KHSRP: variants seen among roughly 807,000 people sequenced by gnomAD.
The protein encoded by KHSRP is KH-type splicing regulatory protein.
In KHSRP, 13 loss-of-function variants were observed where a neutral mutation model predicts 94.9. That is an observed-to-expected ratio of 0.14 (90% confidence interval 0.09 to 0.22). The LOEUF (loss-of-function observed/expected upper bound fraction) is 0.22, where lower values mean the gene tolerates loss of function less well. Among genes scored for constraint, KHSRP ranks in the 10% least tolerant of loss-of-function variants. KHSRP has a pLI of 1.00. For synonymous variants in KHSRP, 495 were observed against 401.4 expected (o/e 1.23, Z -2.79); for missense variants, 710 against 1,010.0 (o/e 0.70, Z 4.03).
In KHSRP at chr19:6,415,427, G is replaced by C; in HGVS notation, c.1919C>G (p.Pro640Arg). ...CCAAGCCTTCGTGTAGTCCTGCTGTGGGGGTGCTCCGGGCTGCTGGGGCTG... is the reference window on the plus strand; with the variant it reads ...CCAAGCCTTCGTGTAGTCCTGCTGTCGGGGTGCTCCGGGCTGCTGGGGCTG... ...GQQPQQPGAP[P>R]QQDYTKAWEE... The change falls in exon 18 of 19, where the codon CCA becomes CGA. Residue 640 changes from proline (P) to arginine (R), a missense_variant. This residue lies in a region of KHSRP where 292 missense variants were observed against 340.5 expected (regional missense o/e 0.86). Coordinates refer to ENST00000600480, the MANE Select transcript of KHSRP (RefSeq NM_001366299.1). 1 of 1,580,354 alleles carries C rather than the reference G, an allele frequency of 6.3e-7. No individual in the cohort carries two copies. The highest frequency in any genetic ancestry group is 8.6e-7 in the Non-Finnish European group (1 of 1,163,236).
At chr19:6,415,494 C>T in intron 17 of KHSRP, 37 bp from the exon 18 acceptor site, 1 of 1,549,838 alleles carries the variant, frequency 6.5e-7, no homozygotes, top group Non-Finnish European at 8.7e-7. Flanking sequence ...AACCACTCCC[C>T]CGGCAGGGCT....
At chr19:6,417,626 G>A (rs1049750760) in intron 11 of KHSRP, 113 bp downstream of exon 11, 6 of 766,670 alleles carry the variant, frequency 7.8e-6, no homozygotes, top group African/African-American at 5.1e-5. Context: ...ACTAAGAGCC[G>A]TGAGGTGCTA....
Position 6,418,850 on chromosome 19 carries a change from A to G in KHSRP, c.632T>C (p.Ile211Thr), listed in dbSNP as rs1466482246. 6.4e-7 allele frequency: 1 copy of G among 1,558,050 alleles called. No homozygotes were observed. The highest frequency in any genetic ancestry group is 8.6e-7 in the Non-Finnish European group (1 of 1,157,194). ...VQKAKMMLDD[I>T]VSRGRGGPPG... Reference sequence around the variant, plus strand: ...GGGGCCCCCACGACCCCGAGACACAATGTCATCCAGCATCATCTTGGCTTT... The same window carrying G: ...GGGGCCCCCACGACCCCGAGACACAGTGTCATCCAGCATCATCTTGGCTTT... Residue 211 changes from isoleucine (I) to threonine (T), a missense_variant, in exon 8 of 19, where the codon ATT becomes ACT. Physicochemically the swap from Ile to Thr is moderately conservative, Grantham distance 89. Coordinates refer to ENST00000600480, the MANE Select transcript of KHSRP (RefSeq NM_001366299.1). This position sits in a 1 kb window ranked among gnomAD's most constrained non-coding sequence, Gnocchi z 4.3.
At chr19:6,423,719 G>C (rs563871395) in intron 1 of KHSRP, among the ~76,000 whole-genome samples, 34 of 152,338 alleles carry the variant, frequency 2.2e-4, no homozygotes, top group African/African-American at 8.2e-4. Context: ...GCCGGTCGGC[G>C]GCAAAGTCCT....
Position 6,416,595 on chromosome 19 carries a change from G to A in KHSRP, c.1383C>T (p.Ser461=). The part of the protein sequence containing the change: ...NQQTGAFVEI[S]RQLPPNGDPN... ...GGTCCCCGTTGGGTGGCAGCTGCCG[G>A]GAGATCTCTACGAAGGCTCCCGTCT... is the stretch of plus-strand genomic sequence containing the variant. The change falls in exon 14 of 19, where the codon TCC becomes TCT. Residue 461 remains serine (S), a synonymous_variant. Transcript: ENST00000600480. 6.2e-7 allele frequency: 1 copy of A among 1,613,858 alleles called. No homozygotes were observed. The highest frequency in any genetic ancestry group is 1.3e-5 in the African/African-American group (1 of 75,062).
Position 6,418,100 on chromosome 19 carries a change from G to GCC in KHSRP, c.880-23_880-22dup. On this transcript the variant is annotated intron_variant, in intron 9 of 18. Transcript: ENST00000600480. This position sits in a 1 kb window ranked among gnomAD's most constrained non-coding sequence, Gnocchi z 4.3. ...GCTTGCTGCAAACACACAGGAAGCA[G>GCC]CCCCCATGGGTGAGCCCTGCTGCCC... is the stretch of plus-strand genomic sequence containing the variant. 6.2e-7 allele frequency: 1 copy of GCC among 1,607,612 alleles called. No homozygotes were observed. The highest frequency in any genetic ancestry group is 8.5e-7 in the Non-Finnish European group (1 of 1,174,326).
chr19:6,422,462 G>A (rs1245652694), intron 1 of KHSRP, 26 bp from the exon 2 acceptor site: 3 of 1,566,442 alleles, frequency 1.9e-6, no homozygotes, highest in Admixed American at 1.7e-5. Flanking sequence ...AAGCACAGAA[G>A]AATTACCACC....
chr19:6,414,573 T>G lies in KHSRP; in HGVS notation c.*451A>C. The G allele has an allele frequency of 9.8e-7, 1 of 1,016,402 alleles. No individual in the cohort carries two copies. Among genetic ancestry groups the G allele is most frequent in the East Asian group, 1.0e-4 (1 of 10,040 alleles). 63.0% of individuals were successfully genotyped at this position (1,016,402 alleles called of 1,614,324 possible). On this transcript the variant is annotated 3_prime_UTR_variant, in exon 19 of 19. Coordinates refer to ENST00000600480, the MANE Select transcript of KHSRP (RefSeq NM_001366299.1). ...AGGCAAGCGCGAGCGCATGGGAGGC[T>G]GAGCCCGGCGGGGCAGGGGCCTGGG... is the stretch of plus-strand genomic sequence containing the variant.
Position 6,415,888 on chromosome 19 carries a change from C to A in KHSRP, c.1607G>T (p.Gly536Val), listed in dbSNP as rs2092141696. 2 of 1,520,382 alleles carry A rather than the reference C, an allele frequency of 1.3e-6. No homozygotes were observed. Among genetic ancestry groups the A allele is most frequent in the South Asian group, 1.3e-5 (1 of 78,234 alleles). The allele number at this position is 1,520,382 out of a possible 1,614,324, so 94.2% of individuals were successfully genotyped here. A position where few individuals can be genotyped will look rare whatever the true frequency, so the allele number is the denominator to read the frequency against. The change falls in exon 16 of 19, where the codon GGG (glycine) becomes GTG (valine). Residue 536 changes from glycine (G) to valine (V), a missense_variant. Transcript: ENST00000600480. ...GGGTGGGTACTGGTGAGGAGGGGGC[C>A]CCCCGGCACTGCAGGAGAGAAGAAA... ...GPPGAPPHAGGPPPHQYPPQG... is the reference protein window; with the variant it reads ...GPPGAPPHAGVPPPHQYPPQG...
intron 15 of KHSRP, among the ~76,000 whole-genome samples, 161 bp from the exon 16 acceptor site, chr19:6,416,057 G>C (rs560079746): frequency 2.6e-5 from 4 of 152,232 alleles, no homozygotes; most frequent in African/African-American, 9.6e-5. Flanking sequence ...CAACTCGAAG[G>C]ACGCGCAGCG....
At chr19:6,421,942 C>T (rs942640314) in intron 2 of KHSRP, among the ~76,000 whole-genome samples, 1 of 152,214 alleles carries the variant, frequency 6.6e-6, no homozygotes, top group Non-Finnish European at 1.5e-5. Flanking sequence ...CGGTTTAGGA[C>T]AGGACCTGCC....
intron 5 of KHSRP, 105 bp from the exon 6 acceptor site, chr19:6,420,249 G>T: frequency 8.5e-7 from 1 of 1,170,946 alleles, no homozygotes; most frequent in Non-Finnish European, 1.2e-6. Context: ...GTTCAGGAGG[G>T]CAGCAGTCCT....
chr19:6,415,934 CG>C (rs1568341565), intron 15 of KHSRP, 38 bp from the exon 16 acceptor site: 2 of 1,311,590 alleles, frequency 1.5e-6, no homozygotes, highest in Admixed American at 3.0e-5. Context: ...AGCAGTGGTG[CG>C]GGGGTGGCCG....
chr19:6,421,093 A>G, intron 4 of KHSRP, 185 bp downstream of exon 4: 1 of 620,348 alleles, frequency 1.6e-6, no homozygotes, highest in South Asian at 2.0e-5. Context: ...ACAGCCCTTC[A>G]GACAAGGGGT....
chr19:6,414,890 CG>C lies in KHSRP; in HGVS notation c.*133del. ...CGAGTCTCAGCGCTCCCCAGCATCA[CG>C]ACAGCGGCACACAGGAACAAGCAGC... is the stretch of plus-strand genomic sequence containing the variant. On this transcript the variant is annotated 3_prime_UTR_variant, in exon 19 of 19. Coordinates refer to ENST00000600480, the MANE Select transcript of KHSRP (RefSeq NM_001366299.1). The C allele has an allele frequency of 2.2e-6, 3 of 1,368,826 alleles. No homozygotes were observed. The highest frequency in any genetic ancestry group is 1.9e-6 in the Non-Finnish European group (2 of 1,064,892). The allele number at this position is 1,368,826 out of a possible 1,614,324, so 84.8% of individuals were successfully genotyped here.
At position 6,415,448 on chromosome 19, in the gene KHSRP, G is replaced by A. The variant is rs1360814101; in HGVS notation, c.1898C>T (p.Pro633Leu). ...EEYYKKIGQQ[P>L]QQPGAPPQQD... ...CTGTGGGGGTGCTCCGGGCTGCTGGGGCTGCTGGCCTGTGCGGGCGCCGAG... is the reference window on the plus strand; with the variant it reads ...CTGTGGGGGTGCTCCGGGCTGCTGGAGCTGCTGGCCTGTGCGGGCGCCGAG... Residue 633 changes from proline to leucine, a missense_variant, in exon 18 of 19, where the codon CCC becomes CTC. Physicochemically the swap from Pro to Leu is moderately conservative, Grantham distance 98. Around this residue, in one of 5 missense-constraint regions of KHSRP, gnomAD observed 292 missense variants for 340.5 expected, o/e 0.86. Transcript: ENST00000600480. 6.4e-7 allele frequency: 1 copy of A among 1,566,088 alleles called. No individual in the cohort carries two copies. Among genetic ancestry groups the A allele is most frequent in the African/African-American group, 1.4e-5 (1 of 73,748 alleles).
intron 2 of KHSRP, 69 bp from the exon 3 acceptor site, chr19:6,421,757 G>A (rs2092196287): frequency 6.4e-7 from 1 of 1,564,558 alleles, no homozygotes; most frequent in African/African-American, 1.4e-5. Flanking sequence ...TGATGCTGGT[G>A]CCACATGTCC....
chr19:6,418,436 G>A lies in KHSRP; in HGVS notation c.879+47C>T. The A allele has an allele frequency of 7.1e-7, 1 of 1,412,514 alleles. No homozygotes were observed. Among genetic ancestry groups the A allele is most frequent in the Non-Finnish European group, 1.0e-6 (1 of 1,003,364 alleles). The allele number at this position is 1,412,514 out of a possible 1,614,324, so 87.5% of individuals were successfully genotyped here. ...CCGAGACCGCTGGCCCTGCCCACCT[G>A]CCCGTGCCTCTCCAGAACCCCCTCC... On this transcript the variant is annotated intron_variant, in intron 9 of 18. Coordinates refer to ENST00000600480, the MANE Select transcript of KHSRP (RefSeq NM_001366299.1). This position sits in a 1 kb window ranked among gnomAD's most constrained non-coding sequence, Gnocchi z 4.3.
intron 4 of KHSRP, chr19:6,420,985 G>A (rs927696317): frequency 6.6e-6 from 3 of 454,058 alleles, no homozygotes; most frequent in African/African-American, 2.0e-5. Context: ...CCAGGAAGAC[G>A]ACATTTGTGC....
Sources: gnomAD v4.1 joint callset for allele counts (sites outside exome capture counted in the v4.1 genomes callset) on GRCh38, gnomAD v4.1.1 for gene constraint, gnomAD v4.1.1 regional missense constraint, Gnocchi (gnomAD v3.1) non-coding constraint, MANE v1.5 for transcripts, NCBI Gene and HGNC (gene_info 2026-07-23, HGNC 2026-07-21) for gene names.